SMARCA4: variants seen among roughly 807,000 people sequenced by gnomAD.
SMARCA4 encodes SWI/SNF related BAF chromatin remodeling complex subunit ATPase 4, also known as SWI/SNF-related matrix-associated actin-dependent regulator of chromatin subfamily A member 4.
SMARCA4 carries 31 observed loss-of-function variants against 193.9 expected under a neutral mutation model. The observed-to-expected ratio is 0.16, with a 90% CI of 0.12 to 0.22. The LOEUF (loss-of-function observed/expected upper bound fraction) is 0.22, where lower values mean the gene tolerates loss of function less well. SMARCA4 is among the 10% of genes least tolerant of loss of function. The pLI is 1.00. For synonymous variants in SMARCA4, 942 were observed against 933.1 expected, an observed-to-expected ratio of 1.01 and a Z score of -0.17; for missense variants, 1,148 against 2,296.0, an observed-to-expected ratio of 0.50 and a Z score of 10.22.
intron 7 of SMARCA4, among the ~76,000 whole-genome samples, chr19:10,990,218 A>G (rs1206830117): frequency 6.6e-6 from 1 of 152,030 alleles, no homozygotes; most frequent in African/African-American, 2.4e-5. Flanking sequence ...CAGTGGTGCC[A>G]TCTCACCCCA....
chr19:11,007,375 C>T (rs569501645), intron 13 of SMARCA4, among the ~76,000 whole-genome samples: 32 of 148,092 alleles, frequency 2.2e-4, no homozygotes, highest in Admixed American at 1.4e-3. Flanking sequence ...GGTTGCACTG[C>T]GCCGAGATCA....
chr19:10,999,879 C>A (rs1046583897), intron 11 of SMARCA4, among the ~76,000 whole-genome samples: 15 of 152,138 alleles, frequency 9.9e-5, no homozygotes, highest in African/African-American at 3.6e-4. Context: ...AGTTAGAGTT[C>A]AGTATTTATA....
At chr19:11,018,081 G>A (rs1279963887) in intron 16 of SMARCA4, among the ~76,000 whole-genome samples, 2 of 152,230 alleles carry the variant, frequency 1.3e-5, no homozygotes, top group Non-Finnish European at 2.9e-5. Flanking sequence ...CTTCCAGCGG[G>A]GCTGGAGATG....
rs2075103287 is a variant in SMARCA4, at chr19:11,033,974, G to T, written c.3873+109G>T. 5.3e-6 allele frequency: 4 copies of T among 752,890 alleles called. No individual in the cohort carries two copies. Among genetic ancestry groups the T allele is most frequent in the Admixed American group, 3.7e-5 (2 of 54,660 alleles). The allele number at this position is 752,890 out of a possible 1,614,324, so 46.6% of individuals were successfully genotyped here. A position where few individuals can be genotyped will look rare whatever the true frequency, so the allele number is the denominator to read the frequency against. On this transcript the variant is annotated intron_variant, in intron 27 of 34. Coordinates refer to ENST00000344626, the MANE Select transcript of SMARCA4 (RefSeq NM_003072.5). This position sits in a 1 kb window ranked among gnomAD's most constrained non-coding sequence, Gnocchi z 9.8. ...AGCGTGCGTGTGCGTGTGCGTGTGT[G>T]TGCCTTTCGCTGCCGTGTGGGTCCC...
chr19:10,983,262 C>T (rs2085712102), intron 1 of SMARCA4, among the ~76,000 whole-genome samples: 1 of 152,098 alleles, frequency 6.6e-6, no homozygotes, highest in Admixed American at 6.6e-5. Flanking sequence ...GTGACGTTTC[C>T]AAGTGTCAGG....
Position 10,987,061 on chromosome 19 carries a change from G to C in SMARCA4, c.859+58G>C, listed in dbSNP as rs1165192136. On this transcript the variant is annotated intron_variant, in intron 5 of 34. Transcript: ENST00000344626. This position sits in a 1 kb window ranked among gnomAD's most constrained non-coding sequence, Gnocchi z 5.3. The stretch of plus-strand genomic sequence containing the variant: ...GCCCTTACTCCCCATCTCAAGCTTG[G>C]GTCCTTGAGATGAGCTTTGTCAGGG... 6 of 1,280,204 alleles carry C rather than the reference G, an allele frequency of 4.7e-6. No individual in the cohort carries two copies. In the East Asian group the frequency reaches 1.4e-4, roughly 30 times the overall value. The allele number at this position is 1,280,204 out of a possible 1,614,324, so 79.3% of individuals were successfully genotyped here.
At position 11,021,846 on chromosome 19, in the gene SMARCA4, C is replaced by T. The variant is rs778175819; in HGVS notation, c.2738C>T (p.Pro913Leu). Residue 913 changes from proline (P) to leucine (L), a missense_variant, in exon 19 of 35, where the codon CCG becomes CTG. Coordinates refer to ENST00000344626, the MANE Select transcript of SMARCA4 (RefSeq NM_003072.5). ...CGCCGCCTGCTGCTGACGGGCACAC[C>T]GCTGCAGAACAAGCTTCCCGAGCTC... Reference protein sequence around the residue: ...APRRLLLTGTPLQNKLPELWA... With the variant: ...APRRLLLTGTLLQNKLPELWA... 2 of 1,613,778 alleles carry T rather than the reference C, an allele frequency of 1.2e-6. No homozygotes were observed. The highest frequency in any genetic ancestry group is 1.7e-6 in the Non-Finnish European group (2 of 1,180,022).
At position 10,991,827 on chromosome 19, in the gene SMARCA4, C is replaced by T. The variant is rs374881878; in HGVS notation, c.1419+504C>T. ...GGAGGAAGGGAGCGCAGGGAGGTGA[C>T]GAGCAGGTGATGCAGGGCCTTGCGA... is the stretch of plus-strand genomic sequence containing the variant. On this transcript the variant is annotated intron_variant, in intron 8 of 34. Coordinates refer to ENST00000344626, the MANE Select transcript of SMARCA4 (RefSeq NM_003072.5). Among the ~76,000 whole-genome samples the T allele has an allele frequency of 2.7e-4, 41 of 152,004 alleles. 1 individual carries two copies. The highest frequency in any genetic ancestry group is 8.4e-4 in the African/African-American group (35 of 41,452).
chr19:11,037,169 A>G (rs573705624), intron 29 of SMARCA4, among the ~76,000 whole-genome samples: 1 of 152,334 alleles, frequency 6.6e-6, no homozygotes, highest in South Asian at 2.1e-4. Flanking sequence ...TCTCTTTAAT[A>G]TGTGCCTAGG....
At chr19:11,022,206 C>A (rs1256040767) in intron 19 of SMARCA4, among the ~76,000 whole-genome samples, 3 of 152,200 alleles carry the variant, frequency 2.0e-5, no homozygotes, top group South Asian at 4.1e-4. Context: ...GTCTCTGACC[C>A]TATGCTCCAG....
intron 9 of SMARCA4, chr19:10,995,591 C>G (rs772399860): frequency 2.3e-6 from 1 of 431,058 alleles, no homozygotes; most frequent in South Asian, 1.6e-5. Flanking sequence ...CCCTGATGCA[C>G]AAACGCAGAG....
Position 11,041,279 on chromosome 19 carries a change from T to C in SMARCA4, c.4171-28T>C, listed in dbSNP as rs1600465324. 1 of 1,585,612 alleles carries C rather than the reference T, an allele frequency of 6.3e-7. No homozygotes were observed. Among genetic ancestry groups the C allele is most frequent in the Non-Finnish European group, 8.6e-7 (1 of 1,163,640 alleles). On this transcript the variant is annotated intron_variant, in intron 29 of 34. Transcript: ENST00000344626. This position sits in a 1 kb window ranked among gnomAD's most constrained non-coding sequence, Gnocchi z 5.6. ...TGCTTGTCGACCTGGGTGCTGGCTG[T>C]CCTATTTTACTACTATTGACCCTGA...
chr19:11,047,494 T>C lies in SMARCA4; in HGVS notation c.4424+5934T>C, dbSNP rs2076012310. 2.6e-5 allele frequency: 4 copies of C among 151,842 alleles called. 1 individual carries two copies. The highest frequency in any genetic ancestry group is 4.2e-4 in the South Asian group (2 of 4,788). 9.4% of individuals were successfully genotyped at this position (151,842 alleles called of 1,614,324 possible). A position where few individuals can be genotyped will look rare whatever the true frequency, so the allele number is the denominator to read the frequency against. ...CACTATCTTGGCTCACTGTAACCTCTGCCTCCTGGGTTGAAGTGATTCTTC... is the reference window on the plus strand; with the variant it reads ...CACTATCTTGGCTCACTGTAACCTCCGCCTCCTGGGTTGAAGTGATTCTTC... On this transcript the variant is annotated intron_variant, in intron 30 of 34. Coordinates refer to ENST00000344626, the MANE Select transcript of SMARCA4 (RefSeq NM_003072.5).
chr19:10,985,460 A>G lies in SMARCA4; in HGVS notation c.355+55A>G. ...GTTTGTCATACTCCAGAGTCCTCAG[A>G]TCATTTTCCTCCCCTGGGTTCCCAC... On this transcript the variant is annotated intron_variant, in intron 3 of 34. Coordinates refer to ENST00000344626, the MANE Select transcript of SMARCA4 (RefSeq NM_003072.5). This position sits in a 1 kb window ranked among gnomAD's most constrained non-coding sequence, Gnocchi z 4.5. The G allele has an allele frequency of 6.2e-7, 1 of 1,601,442 alleles. No homozygotes were observed. The highest frequency in any genetic ancestry group is 8.5e-7 in the Non-Finnish European group (1 of 1,173,794).
chr19:10,984,013 C>T lies in SMARCA4; in HGVS notation c.-31-108C>T. On this transcript the variant is annotated intron_variant, in intron 1 of 34. Transcript: ENST00000344626. This position sits in a 1 kb window ranked among gnomAD's most constrained non-coding sequence, Gnocchi z 4.3. ...GGGTGGCTGGTGGGGAAGGTACTGG[C>T]TTCCTGTGGGATGTAGATTCTGATG... 1 of 821,968 alleles carries T rather than the reference C, an allele frequency of 1.2e-6. No individual in the cohort carries two copies. The allele number at this position is 821,968 out of a possible 1,614,324, so 50.9% of individuals were successfully genotyped here.
Position 11,058,710 on chromosome 19 carries a change from G to A in SMARCA4, c.4534-78G>A. On this transcript the variant is annotated intron_variant, in intron 31 of 34. Coordinates refer to ENST00000344626, the MANE Select transcript of SMARCA4 (RefSeq NM_003072.5). The surrounding 1 kb of genome is among the most constrained non-coding windows in gnomAD (Gnocchi z 5.8). The stretch of plus-strand genomic sequence containing the variant: ...GGCACGAGGAATCCTAGCCCGTGGG[G>A]TCTCCAGCACACAGCCAGGCCTGCG... 2.4e-6 allele frequency: 3 copies of A among 1,238,134 alleles called. No individual in the cohort carries two copies. The highest frequency in any genetic ancestry group is 3.6e-6 in the Non-Finnish European group (3 of 841,172). 76.7% of individuals were successfully genotyped at this position (1,238,134 alleles called of 1,614,324 possible).
rs140256039 is a variant in SMARCA4, at chr19:10,991,543, G to T, written c.1419+220G>T. ...AAATCCACGCGTAGCACGTCTGGAAGGTGATAGGGCACAAAGAAAAATCAA... is the reference window on the plus strand; with the variant it reads ...AAATCCACGCGTAGCACGTCTGGAATGTGATAGGGCACAAAGAAAAATCAA... On this transcript the variant is annotated intron_variant, in intron 8 of 34. Coordinates refer to ENST00000344626, the MANE Select transcript of SMARCA4 (RefSeq NM_003072.5). 4.5e-3 allele frequency among the ~76,000 whole-genome samples: 689 copies of T among 152,356 alleles called. 3 individuals carry two copies. The highest frequency in any genetic ancestry group is 0.016 in the African/African-American group (657 of 41,578).
intron 1 of SMARCA4, among the ~76,000 whole-genome samples, chr19:10,972,706 C>G (rs940782176): frequency 6.6e-6 from 1 of 152,192 alleles, no homozygotes; most frequent in East Asian, 1.9e-4. Flanking sequence ...CTCCTCTTGC[C>G]GTCTCCACAC....
intron 10 of SMARCA4, 40 bp downstream of exon 10, chr19:10,996,420 G>A (rs745999733): frequency 3.1e-5 from 50 of 1,613,628 alleles, no homozygotes; most frequent in Non-Finnish European, 4.2e-5. Flanking sequence ...CGGGTGGGAT[G>A]GGAGCAGCCG....
Sources: allele counts gnomAD v4.1 joint callset (sites outside exome capture counted in the v4.1 genomes callset), GRCh38; gene constraint gnomAD v4.1.1; non-coding constraint Gnocchi (gnomAD v3.1); transcripts MANE v1.5; gene names NCBI Gene and HGNC (gene_info 2026-07-23, HGNC 2026-07-21).